The following NOVA1 variants were observed in gnomAD, a reference collection of about 807,000 sequenced individuals.
NOVA1 encodes NOVA alternative splicing regulator 1.
In NOVA1, 7 loss-of-function variants were observed where a neutral mutation model predicts 38.0. That is an observed-to-expected ratio of 0.18 (90% CI 0.10 to 0.35). The LOEUF is 0.35. NOVA1 is among the 10% of genes least tolerant of loss of function. The pLI is 1.00. For missense variants in NOVA1, 460 were observed against 616.0 expected, an observed-to-expected ratio of 0.75 and a Z score of 2.68; for synonymous variants, 270 against 232.5, an observed-to-expected ratio of 1.16 and a Z score of -1.47.
intron 2 of NOVA1, among the ~76,000 whole-genome samples, chr14:26,564,777 A>C (rs575430920): frequency 6.6e-6 from 1 of 152,286 alleles, no homozygotes; most frequent in South Asian, 2.1e-4. Context: ...TATATAAACA[A>C]TATGGTTAAG....
At chr14:26,462,917 A>T (rs2138211963) in intron 4 of NOVA1, among the ~76,000 whole-genome samples, 1 of 152,300 alleles carries the variant, frequency 6.6e-6, no homozygotes, top group South Asian at 2.1e-4. Flanking sequence ...TTTAAAAACA[A>T]AGTAGAGATA....
Position 26,468,371 on chromosome 14 carries a change from G to A in NOVA1, c.519+3949C>T, listed in dbSNP as rs569417171. ...GCCAACAACCTGGATGAACAGGGAC[G>A]CATATTAGTCAAACCTACAGGTGAG... On this transcript the variant is annotated intron_variant, in intron 4 of 4. Coordinates refer to ENST00000539517, the MANE Select transcript of NOVA1 (RefSeq NM_002515.3). 2.7e-4 allele frequency among the ~76,000 whole-genome samples: 41 copies of A among 151,840 alleles called. No individual in the cohort carries two copies. The South Asian group carries it at 4.0e-3, about 15-fold the overall frequency.
intron 2 of NOVA1, among the ~76,000 whole-genome samples, chr14:26,581,263 T>C (rs943777742): frequency 3.3e-5 from 5 of 152,098 alleles, no homozygotes; most frequent in Admixed American, 2.0e-4. Context: ...ATAAACTACA[T>C]TGTATAATAT....
In NOVA1 at chr14:26,582,212, T is replaced by TTAAG. The variant is rs370736841; in HGVS notation, c.280+13194_280+13197dup. Among the ~76,000 whole-genome samples the TTAAG allele has an allele frequency of 3.8e-3, 571 of 151,936 alleles. 3 individuals are homozygous for TTAAG. Among genetic ancestry groups the TTAAG allele is most frequent in the African/African-American group, 0.013 (547 of 41,550 alleles). On this transcript the variant is annotated intron_variant, in intron 2 of 4. Coordinates refer to ENST00000539517, the MANE Select transcript of NOVA1 (RefSeq NM_002515.3). ...CGAAATTGTACTTATTCTGCATATT[T>TTAAG]TAAGTAGTCAAAAAATGTTTACATT...
At chr14:26,502,164 A>G (rs1353040814) in intron 2 of NOVA1, among the ~76,000 whole-genome samples, 2 of 151,738 alleles carry the variant, frequency 1.3e-5, no homozygotes, top group Admixed American at 1.3e-4. Flanking sequence ...AGCTCTCATC[A>G]TTTTATTTTC....
Position 26,597,507 on chromosome 14 carries a change from CTTTTTTTTT to C in NOVA1, c.-80_-72del. The C allele has an allele frequency of 9.0e-6, 7 of 779,720 alleles. No homozygotes were observed. Among genetic ancestry groups the C allele is most frequent in the East Asian group, 8.7e-5 (1 of 11,444 alleles). 48.3% of individuals were successfully genotyped at this position (779,720 alleles called of 1,614,324 possible). On this transcript the variant is annotated 5_prime_UTR_variant, in exon 1 of 5. Coordinates refer to ENST00000539517, the MANE Select transcript of NOVA1 (RefSeq NM_002515.3). Reference sequence around the variant, plus strand: ...GTTTTGGCTTTTTCTTTTCTTTTTTCTTTTTTTTTTTTTTTTTTTTTTGCGTTTGGGGTT... The same window carrying C: ...GTTTTGGCTTTTTCTTTTCTTTTTTCTTTTTTTTTTTTTGCGTTTGGGGTT...
rs908693155 is a variant in NOVA1, at chr14:26,598,010, C to G, written c.-574G>C. 8.6e-5 allele frequency among the ~76,000 whole-genome samples: 13 copies of G among 151,366 alleles called. No individual in the cohort carries two copies. The East Asian group carries it at 1.2e-3, about 14-fold the overall frequency. Reference sequence around the variant, plus strand: ...TCGCTCCCGCTGCTGGTGCTGCCGCCGCCGCCGCTGCCGGAGCGGTTCTGC... The same window carrying G: ...TCGCTCCCGCTGCTGGTGCTGCCGCGGCCGCCGCTGCCGGAGCGGTTCTGC... On this transcript the variant is annotated 5_prime_UTR_variant, in exon 1 of 5. Transcript: ENST00000539517.
At chr14:26,456,978 CATAT>C (rs141026086) in intron 4 of NOVA1, among the ~76,000 whole-genome samples, 5 of 150,262 alleles carry the variant, frequency 3.3e-5, no homozygotes, top group African/African-American at 1.2e-4. Context: ...CACACACACA[CATAT>C]ATATATATGT....
At chr14:26,481,988 TAAAAAAA>T (rs372806170) in intron 2 of NOVA1, among the ~76,000 whole-genome samples, 17 of 105,962 alleles carry the variant, frequency 1.6e-4, no homozygotes, top group African/African-American at 3.0e-4. Flanking sequence ...TAGATAGAGA[TAAAAAAA>T]AAAAAAAAAA....
chr14:26,450,630 T>C (rs1037759345), intron 4 of NOVA1, among the ~76,000 whole-genome samples: 4 of 152,128 alleles, frequency 2.6e-5, no homozygotes, highest in Non-Finnish European at 5.9e-5. Flanking sequence ...AAGAAGTGTT[T>C]TTATAACATT....
At chr14:26,571,156 T>C (rs1344447426) in intron 2 of NOVA1, among the ~76,000 whole-genome samples, 1 of 151,170 alleles carries the variant, frequency 6.6e-6, no homozygotes, top group Non-Finnish European at 1.5e-5. Flanking sequence ...TATATATATA[T>C]ATATGATGTT....
At chr14:26,474,576 C>A (rs950006493) in intron 3 of NOVA1, among the ~76,000 whole-genome samples, 4 of 151,638 alleles carry the variant, frequency 2.6e-5, no homozygotes, top group African/African-American at 9.7e-5. Context: ...TCAAAATTAT[C>A]CCTAATAATT....
At chr14:26,502,559 A>G (rs1467242003) in intron 2 of NOVA1, among the ~76,000 whole-genome samples, 1 of 151,634 alleles carries the variant, frequency 6.6e-6, no homozygotes, top group Admixed American at 6.6e-5. Flanking sequence ...ATGTAAATCT[A>G]ATTACAGGTT....
intron 2 of NOVA1, among the ~76,000 whole-genome samples, chr14:26,509,312 A>C (rs1277383850): frequency 5.3e-5 from 8 of 152,166 alleles, no homozygotes; most frequent in African/African-American, 1.9e-4. Context: ...TGGAGGAATG[A>C]GATTGGTGAT....
chr14:26,510,084 GA>G (rs1887953009), intron 2 of NOVA1, among the ~76,000 whole-genome samples: 1 of 149,002 alleles, frequency 6.7e-6, no homozygotes, highest in Non-Finnish European at 1.5e-5. Flanking sequence ...AAATATTGGA[GA>G]AATGGAAAAA....
At chr14:26,493,140 A>T (rs1016802117) in intron 2 of NOVA1, among the ~76,000 whole-genome samples, 3 of 152,092 alleles carry the variant, frequency 2.0e-5, no homozygotes, top group Non-Finnish European at 4.4e-5. Flanking sequence ...TTTTTTCAAC[A>T]TTAATTATTA....
intron 2 of NOVA1, among the ~76,000 whole-genome samples, chr14:26,566,557 T>C (rs1271891891): frequency 1.3e-5 from 2 of 152,146 alleles, no homozygotes; most frequent in African/African-American, 2.4e-5. Flanking sequence ...ATTATTATTA[T>C]CATTATTACT....
intron 2 of NOVA1, among the ~76,000 whole-genome samples, chr14:26,493,427 T>C (rs1421055915): frequency 6.6e-6 from 1 of 152,238 alleles, no homozygotes; most frequent in East Asian, 1.9e-4. Context: ...CTCTCTCCTA[T>C]CCTTGTCTCT....
chr14:26,499,767 C>T (rs1887114834), intron 2 of NOVA1, among the ~76,000 whole-genome samples: 1 of 152,110 alleles, frequency 6.6e-6, no homozygotes, highest in Non-Finnish European at 1.5e-5. Context: ...CATGAAAAAA[C>T]AAACTCAATC....
Sources: gnomAD v4.1 joint callset for allele counts (sites outside exome capture counted in the v4.1 genomes callset) on GRCh38, gnomAD v4.1.1 for gene constraint, MANE v1.5 for transcripts, NCBI Gene and HGNC (gene_info 2026-07-23, HGNC 2026-07-21) for gene names.